Variants in KLC4 observed in about 807,000 individuals in gnomAD.
KLC4 encodes kinesin-like protein 8.
KLC4 carries 49 observed loss-of-function variants against 77.2 expected under a neutral mutation model. The ratio of observed to expected loss-of-function variants is 0.63; its 90% CI spans 0.50 to 0.80. The LOEUF (loss-of-function observed/expected upper bound fraction) is 0.80. KLC4 is among the 30% of genes least tolerant of loss of function. The pLI is 0.00. For missense variants in KLC4, 669 were observed against 793.5 expected (o/e 0.84, Z 1.89); for synonymous variants, 274 against 314.5 (o/e 0.87, Z 1.36).
chr6:43,071,770 A>G (rs1765742370), intron 10 of KLC4, 82 bp from the exon 11 acceptor site: 1 of 1,517,622 alleles, frequency 6.6e-7, no homozygotes, highest in African/African-American at 1.4e-5. Context: ...CCCTAGCCCC[A>G]TGCCACCTTG....
intron 2 of KLC4, chr6:43,062,713 A>G: frequency 3.4e-6 from 2 of 588,830 alleles, no homozygotes; most frequent in South Asian, 2.0e-5. Flanking sequence ...AGGAATTGAT[A>G]GTGGCTTGGT....
chr6:43,063,108 G>C lies in KLC4; in HGVS notation c.450G>C (p.Leu150=), dbSNP rs1195602107. 6.2e-7 allele frequency: 1 copy of C among 1,614,138 alleles called. No homozygotes were observed. ...AGGAAAAGAAGCACCTGGAGTTCCT[G>C]GGGCAGCTGCGGCAGTATGATGAGG... ...LEEEKKHLEF[L]GQLRQYDEDG... The change falls in exon 3 of 16, where the codon CTG becomes CTC. Residue 150 remains leucine (L), a synonymous_variant. Coordinates refer to ENST00000347162, the MANE Select transcript of KLC4 (RefSeq NM_201521.3).
At position 43,061,855 on chromosome 6, in the gene KLC4, C is replaced by T. The variant is rs149486157; in HGVS notation, c.258+262C>T. 3.9e-3 allele frequency among the ~76,000 whole-genome samples: 589 copies of T among 152,144 alleles called. 2 individuals are homozygous for T. Among genetic ancestry groups the T allele is most frequent in the Non-Finnish European group, 6.1e-3 (416 of 68,012 alleles). ...GACAATACATAAATAAATAATGATT[C>T]GGTATGCCAGAGTGATAGTTGCTAA... On this transcript the variant is annotated intron_variant, in intron 2 of 15. Coordinates refer to ENST00000347162, the MANE Select transcript of KLC4 (RefSeq NM_201521.3).
chr6:43,072,724 A>C (rs781153550), intron 12 of KLC4, 100 bp from the exon 13 acceptor site: 24 of 1,188,350 alleles, frequency 2.0e-5, no homozygotes, highest in Non-Finnish European at 2.9e-5. Context: ...TCACAAGGAA[A>C]AATGTTTTCC....
chr6:43,067,021 G>T lies in KLC4; in HGVS notation c.817G>T (p.Ala273Ser), dbSNP rs141222869. 2.9e-5 allele frequency: 46 copies of T among 1,613,864 alleles called. No homozygotes were observed. The highest frequency in any genetic ancestry group is 3.7e-5 in the Non-Finnish European group (44 of 1,179,838). Residue 273 changes from alanine (A) to serine (S), a missense_variant, in exon 6 of 16, where the codon GCC becomes TCC. Physicochemically the swap from Ala to Ser is moderately conservative, Grantham distance 99. Coordinates refer to ENST00000347162, the MANE Select transcript of KLC4 (RefSeq NM_201521.3). ...TGACCAGAATAAGTATAAGGAAGCT[G>T]CCCACCTGCTGAATGATGCCCTTAG... ...YRDQNKYKEA[A>S]HLLNDALSIR...
At chr6:43,066,128 G>T (rs964460235) in intron 4 of KLC4, among the ~76,000 whole-genome samples, 178 bp from the exon 5 acceptor site, 1 of 152,222 alleles carries the variant, frequency 6.6e-6, no homozygotes, top group African/African-American at 2.4e-5. Context: ...AACAACTGAG[G>T]TTGTGATGGG....
At position 43,070,470 on chromosome 6, in the gene KLC4, T is replaced by C. The variant is rs775146118; in HGVS notation, c.981+15T>C. 12 of 1,575,998 alleles carry C rather than the reference T, an allele frequency of 7.6e-6. No individual in the cohort carries two copies. Among genetic ancestry groups the C allele is most frequent in the South Asian group, 1.1e-5 (1 of 90,270 alleles). ...TTCGAGAAAAGGTACCCATGCCCTC[T>C]CTCCCTTCTTCTCTTGTCGCTGTGA... On this transcript the variant is annotated intron_variant, in intron 7 of 15. Transcript: ENST00000347162.
chr6:43,063,751 AC>A (rs1464993801), intron 3 of KLC4, among the ~76,000 whole-genome samples: 2 of 151,028 alleles, frequency 1.3e-5, no homozygotes, highest in Non-Finnish European at 3.0e-5. Flanking sequence ...ACGGGGTTTC[AC>A]CATGTTGGCC....
chr6:43,070,048 C>T lies in KLC4; in HGVS notation c.880-306C>T, dbSNP rs112159968. ...TCCCACACATGCAGAACATCTATAGCGTTCTTGCCTCCTCAAAGGTAATCT... is the reference window on the plus strand; with the variant it reads ...TCCCACACATGCAGAACATCTATAGTGTTCTTGCCTCCTCAAAGGTAATCT... On this transcript the variant is annotated intron_variant, in intron 6 of 15. Coordinates refer to ENST00000347162, the MANE Select transcript of KLC4 (RefSeq NM_201521.3). 4.3e-3 allele frequency among the ~76,000 whole-genome samples: 642 copies of T among 149,520 alleles called. 4 individuals are homozygous for T. The highest frequency in any genetic ancestry group is 0.015 in the African/African-American group (585 of 40,288).
chr6:43,073,016 G>A (rs1258373102), intron 13 of KLC4, 52 bp downstream of exon 13: 1 of 1,538,948 alleles, frequency 6.5e-7, no homozygotes. Flanking sequence ...TGCTGGTGGT[G>A]GTGAGAGGCT....
intron 15 of KLC4, chr6:43,074,328 C>A: frequency 2.1e-6 from 1 of 481,452 alleles, no homozygotes; most frequent in Non-Finnish European, 3.7e-6. Flanking sequence ...TAAATAATCC[C>A]CATCTGAGAA....
chr6:43,069,295 A>C (rs919834787), intron 6 of KLC4, among the ~76,000 whole-genome samples: 7 of 152,200 alleles, frequency 4.6e-5, no homozygotes, highest in Non-Finnish European at 7.3e-5. Flanking sequence ...CCCAGCCTAT[A>C]GTGCAGTGGT....
chr6:43,065,513 C>T, intron 3 of KLC4, 107 bp from the exon 4 acceptor site: 1 of 723,004 alleles, frequency 1.4e-6, no homozygotes, highest in East Asian at 2.5e-5. Flanking sequence ...GAACAACAGT[C>T]TTCTCCTAGG....
intron 1 of KLC4, chr6:43,060,317 G>T (rs1765078923): frequency 6.2e-7 from 1 of 1,611,346 alleles, no homozygotes; most frequent in South Asian, 1.1e-5. Flanking sequence ...TTCCCTTCCT[G>T]GGAGACAGTA....
At chr6:43,065,157 C>A (rs986808688) in intron 3 of KLC4, among the ~76,000 whole-genome samples, 1 of 152,200 alleles carries the variant, frequency 6.6e-6, no homozygotes, top group Admixed American at 6.5e-5. Flanking sequence ...TCACCGCAAC[C>A]TCTGCCTCCC....
intron 12 of KLC4, 77 bp from the exon 13 acceptor site, chr6:43,072,747 A>G (rs1582027460): frequency 4.8e-6 from 7 of 1,456,112 alleles, no homozygotes. Flanking sequence ...CCAGTGGCTG[A>G]TGGTGAAAAA....
chr6:43,070,538 CT>C (rs905112649), intron 7 of KLC4, 83 bp downstream of exon 7: 179 of 1,353,732 alleles, frequency 1.3e-4, no homozygotes, highest in South Asian at 1.9e-4. Context: ...TCCTCCTTCA[CT>C]TTTTTTTTCT....
At chr6:43,064,019 T>C (rs1366083785) in intron 3 of KLC4, among the ~76,000 whole-genome samples, 1 of 151,992 alleles carries the variant, frequency 6.6e-6, no homozygotes, top group Non-Finnish European at 1.5e-5. Flanking sequence ...GTATTTTTAG[T>C]AGAGATGGAG....
chr6:43,059,768 C>T (rs1005767494), intron 1 of KLC4, 83 bp downstream of exon 1: 341 of 1,196,650 alleles, frequency 2.8e-4, no homozygotes, highest in Non-Finnish European at 1.9e-4. Flanking sequence ...GATGAACAAA[C>T]CCCCTCCAAC....
Sources: allele counts gnomAD v4.1 joint callset (sites outside exome capture counted in the v4.1 genomes callset), GRCh38; gene constraint gnomAD v4.1.1; transcripts MANE v1.5; gene names NCBI Gene and HGNC (gene_info 2026-07-23, HGNC 2026-07-21).